GPR137C: variants seen among roughly 807,000 people sequenced by gnomAD.
GPR137C encodes integral membrane protein GPR137C.
GPR137C carries 27 observed loss-of-function variants against 43.4 expected under a neutral mutation model. The observed-to-expected ratio is 0.62, with a 90% confidence interval of 0.46 to 0.86. The LOEUF (loss-of-function observed/expected upper bound fraction) is 0.86, where lower values mean the gene tolerates loss of function less well. Ranked by LOEUF, GPR137C falls within the 40% of genes least tolerant of loss-of-function variation. The pLI, the probability that GPR137C is intolerant of heterozygous loss-of-function variation, is 0.00. For synonymous variants in GPR137C, 285 were observed against 226.9 expected (o/e 1.26, Z -2.30); for missense variants, 522 against 534.6 (o/e 0.98, Z 0.23).
intron 1 of GPR137C, among the ~76,000 whole-genome samples, chr14:52,595,150 C>G (rs1555348683): frequency 6.6e-6 from 1 of 152,200 alleles, no homozygotes; most frequent in Non-Finnish European, 1.5e-5. Flanking sequence ...TTGAACCCCA[C>G]TCTTTTCTGG....
intron 1 of GPR137C, among the ~76,000 whole-genome samples, chr14:52,562,473 T>C (rs2038300426): frequency 6.6e-6 from 1 of 152,064 alleles, no homozygotes; most frequent in African/African-American, 2.4e-5. Flanking sequence ...AAATAACTTG[T>C]AAAGCTGAGC....
rs1208685365 is a variant in GPR137C at position 52,553,478 on chromosome 14, C to T, written c.331C>T (p.Pro111Ser). The T allele has an allele frequency of 5.6e-6, 9 of 1,608,862 alleles. No individual in the cohort carries two copies. The highest frequency in any genetic ancestry group is 7.6e-6 in the Non-Finnish European group (9 of 1,179,794). Reference sequence around the variant, plus strand: ...CGCCTTCTCGCTCAGCGGCTCCCTGCCCTTGCTCCGGCCGCCCGCTCACCT... The same window carrying T: ...CGCCTTCTCGCTCAGCGGCTCCCTGTCCTTGCTCCGGCCGCCCGCTCACCT... ...SAAFSLSGSL[P>S]LLRPPAHLHF... Residue 111 changes from proline (P) to serine (S), a missense_variant, in exon 1 of 7, where the codon CCC (proline) becomes TCC (serine). Around this residue, in one of 3 missense-constraint regions of GPR137C, gnomAD observed 437 missense variants for 425.7 expected, o/e 1.03. Transcript: ENST00000321662.
chr14:52,582,483 T>G (rs1298018196), intron 1 of GPR137C, among the ~76,000 whole-genome samples: 1 of 152,196 alleles, frequency 6.6e-6, no homozygotes, highest in Non-Finnish European at 1.5e-5. Flanking sequence ...AGGAGACATA[T>G]AAGTCTGCAT....
chr14:52,610,475 C>A (rs773561492), intron 3 of GPR137C, among the ~76,000 whole-genome samples: 7 of 152,050 alleles, frequency 4.6e-5, no homozygotes, highest in Non-Finnish European at 1.0e-4. Context: ...CATTCACATA[C>A]CTTTTATTAC....
intron 1 of GPR137C, among the ~76,000 whole-genome samples, chr14:52,555,044 C>A (rs1474703636): frequency 6.6e-6 from 1 of 151,940 alleles, no homozygotes; most frequent in African/African-American, 2.4e-5. Flanking sequence ...GCTGTTATAA[C>A]ACTTCTACCC....
At chr14:52,573,661 G>A (rs1445161678) in intron 1 of GPR137C, among the ~76,000 whole-genome samples, 4 of 152,148 alleles carry the variant, frequency 2.6e-5, no homozygotes, top group African/African-American at 9.7e-5. Flanking sequence ...ACATAGGGAT[G>A]GGCAAAGACT....
At chr14:52,587,458 T>A (rs1231138075) in intron 1 of GPR137C, among the ~76,000 whole-genome samples, 1 of 152,104 alleles carries the variant, frequency 6.6e-6, no homozygotes, top group Non-Finnish European at 1.5e-5. Context: ...AACCACCTAT[T>A]TGAAGAGTTG....
chr14:52,596,370 C>T (rs1310059171), intron 1 of GPR137C, among the ~76,000 whole-genome samples: 2 of 152,228 alleles, frequency 1.3e-5, no homozygotes, highest in Non-Finnish European at 2.9e-5. Context: ...TAGACAGGGA[C>T]ATTTAAGTCT....
chr14:52,590,641 A>C (rs1407282499), intron 1 of GPR137C, among the ~76,000 whole-genome samples: 1 of 152,188 alleles, frequency 6.6e-6, no homozygotes, highest in Non-Finnish European at 1.5e-5. Flanking sequence ...GTTTAGATAC[A>C]CAAATACTTA....
intron 1 of GPR137C, among the ~76,000 whole-genome samples, chr14:52,579,840 C>T (rs145131827): frequency 3.9e-5 from 6 of 152,232 alleles, no homozygotes; most frequent in Non-Finnish European, 7.4e-5. Context: ...TTTTTTATTG[C>T]GAGCTGGCCG....
intron 1 of GPR137C, among the ~76,000 whole-genome samples, chr14:52,583,970 A>G (rs1434281382): frequency 3.9e-5 from 6 of 151,954 alleles, no homozygotes; most frequent in African/African-American, 9.7e-5. Context: ...TTTCCCTTAT[A>G]TATATTCAGT....
intron 1 of GPR137C, among the ~76,000 whole-genome samples, chr14:52,578,253 A>G (rs2038593315): frequency 6.6e-6 from 1 of 152,088 alleles, no homozygotes; most frequent in South Asian, 2.1e-4. Flanking sequence ...CGTATTTTTA[A>G]CTTGATTTTC....
chr14:52,567,938 G>A (rs193139131), intron 1 of GPR137C, among the ~76,000 whole-genome samples: 5 of 152,256 alleles, frequency 3.3e-5, no homozygotes, highest in East Asian at 1.9e-4. Flanking sequence ...GATTACAGGC[G>A]TGAGCCACCG....
In GPR137C at chr14:52,553,348, G is replaced by T; in HGVS notation, c.201G>T (p.Gln67His). ...YAALFAFAYLQLWRLLLYRER... is the reference protein window; with the variant it reads ...YAALFAFAYLHLWRLLLYRER... ...CGCTGTTCGCCTTTGCCTACCTGCA[G>T]CTGTGGCGGCTGCTCCTGTACCGCG... Residue 67 changes from glutamine (Q) to histidine (H), a missense_variant, in exon 1 of 7, where the codon CAG (glutamine) becomes CAT (histidine). Gln to His is a conservative substitution (Grantham distance 24, BLOSUM62 0). Around this residue, in one of 3 missense-constraint regions of GPR137C, gnomAD observed 437 missense variants for 425.7 expected, o/e 1.03. Transcript: ENST00000321662. The T allele has an allele frequency of 6.2e-7, 1 of 1,601,304 alleles. No homozygotes were observed. The highest frequency in any genetic ancestry group is 8.5e-7 in the Non-Finnish European group (1 of 1,178,122).
chr14:52,580,438 C>G (rs1348303116), intron 1 of GPR137C, among the ~76,000 whole-genome samples: 4 of 152,150 alleles, frequency 2.6e-5, no homozygotes, highest in Non-Finnish European at 5.9e-5. Flanking sequence ...TCTCGGCTCA[C>G]TGCAATCTTC....
chr14:52,610,523 G>A (rs905292717), intron 3 of GPR137C, among the ~76,000 whole-genome samples: 3 of 151,960 alleles, frequency 2.0e-5, no homozygotes, highest in African/African-American at 7.3e-5. Flanking sequence ...TTACTATTTT[G>A]TTAATTTCTT....
rs1389602493 is a variant in GPR137C at position 52,553,119 on chromosome 14, C to T, written c.-29C>T. The T allele has an allele frequency of 1.7e-6, 2 of 1,146,084 alleles. No homozygotes were observed. The highest frequency in any genetic ancestry group is 4.7e-5 in the Admixed American group (1 of 21,428). The allele number at this position is 1,146,084 out of a possible 1,614,324, so 71.0% of individuals were successfully genotyped here. The stretch of plus-strand genomic sequence containing the variant: ...TCCGAGTCCAGCCCCTTCCTTCCCG[C>T]GCTCGCTCGCCCGGCCCCCAGCCCC... On this transcript the variant is annotated 5_prime_UTR_variant, in exon 1 of 7. Coordinates refer to ENST00000321662, the MANE Select transcript of GPR137C (RefSeq NM_001099652.2).
chr14:52,631,263 G>C (rs2039290687), intron 3 of GPR137C, among the ~76,000 whole-genome samples: 1 of 152,132 alleles, frequency 6.6e-6, no homozygotes, highest in South Asian at 2.1e-4. Flanking sequence ...AGCTTAGGTG[G>C]AGGATTCTCC....
chr14:52,572,094 G>C (rs1182816942), intron 1 of GPR137C, among the ~76,000 whole-genome samples: 1 of 152,134 alleles, frequency 6.6e-6, no homozygotes, highest in African/African-American at 2.4e-5. Flanking sequence ...CTGAAATTGA[G>C]GCAATAATTA....
Sources: gnomAD v4.1 joint callset for allele counts (sites outside exome capture counted in the v4.1 genomes callset) on GRCh38, gnomAD v4.1.1 for gene constraint, gnomAD v4.1.1 regional missense constraint, MANE v1.5 for transcripts, NCBI Gene and HGNC (gene_info 2026-07-23, HGNC 2026-07-21) for gene names.